Variants in EP400 observed in about 807,000 individuals in gnomAD.
The protein encoded by EP400 is E1A-binding protein p400.
In EP400, 105 loss-of-function variants were observed where a neutral mutation model predicts 354.1. That is an observed-to-expected ratio of 0.30 (90% CI 0.25 to 0.35). The LOEUF (loss-of-function observed/expected upper bound fraction) is 0.35, where lower values mean the gene tolerates loss of function less well. EP400 is among the 10% of genes least tolerant of loss of function. The probability of loss-of-function intolerance (pLI) is 1.00; values close to 1 mark genes in which losing one functional copy is unlikely to be tolerated. For missense variants in EP400, 3,280 were observed against 4,121.0 expected, an observed-to-expected ratio of 0.80 and a Z score of 5.59; for synonymous variants, 1,646 against 1,716.9, an observed-to-expected ratio of 0.96 and a Z score of 1.02.
chr12:132,030,594 G>A (rs1265927210), intron 29 of EP400, among the ~76,000 whole-genome samples: 1 of 152,226 alleles, frequency 6.6e-6, no homozygotes, highest in African/African-American at 2.4e-5. Context: ...GCATAAACTA[G>A]TATAGTTCTA....
intron 2 of EP400, among the ~76,000 whole-genome samples, chr12:131,976,440 G>A (rs1892475378): frequency 6.6e-6 from 1 of 152,190 alleles, no homozygotes; most frequent in African/African-American, 2.4e-5. Flanking sequence ...CTGGCTGGGT[G>A]TGGTGGCTCA....
chr12:132,061,126 A>C (rs1166586471), intron 45 of EP400, among the ~76,000 whole-genome samples: 1 of 152,172 alleles, frequency 6.6e-6, no homozygotes, highest in Non-Finnish European at 1.5e-5. Flanking sequence ...ATAACATGCA[A>C]GCTGGGGAAG....
Position 132,017,702 on chromosome 12 carries a change from T to C in EP400, c.4091T>C (p.Leu1364Pro), listed in dbSNP as rs1320709360. 3 of 1,525,800 alleles carry C rather than the reference T, an allele frequency of 2.0e-6. No individual in the cohort carries two copies. The African/African-American group carries it at 4.2e-5, about 21-fold the overall frequency. The allele number at this position is 1,525,800 out of a possible 1,614,324, so 94.5% of individuals were successfully genotyped here. A position where few individuals can be genotyped will look rare whatever the true frequency, so the allele number is the denominator to read the frequency against. Residue 1364 changes from leucine to proline, a missense_variant, in exon 20 of 53, where the codon CTG becomes CCG. Around this residue, in one of 20 missense-constraint regions of EP400, gnomAD observed 342 missense variants for 342.7 expected, o/e 1.00. Coordinates refer to ENST00000389561, the MANE Select transcript of EP400 (RefSeq NM_015409.5). This position sits in a 1 kb window ranked among gnomAD's most constrained non-coding sequence, Gnocchi z 5.0. ...TCCGCATCTCTAATCCTGAAGGCAC[T>C]GGAGAGAGATTTCTGGAAGGTAAGT... ...YPSASLILKA[L>P]ERDFWKEADL...
chr12:132,023,711 C>G, intron 23 of EP400, 66 bp from the exon 24 acceptor site: 1 of 1,559,566 alleles, frequency 6.4e-7, no homozygotes, highest in Non-Finnish European at 8.7e-7. Flanking sequence ...AAACGACTGT[C>G]AATATGACAC....
intron 15 of EP400, among the ~76,000 whole-genome samples, chr12:132,008,584 A>AT (rs376833227): frequency 0.029 from 4,089 of 143,050 alleles, 110 homozygotes; most frequent in South Asian, 0.1. Context: ...TAGCCTATAC[A>AT]TTTTTTTTTT....
At chr12:131,964,219 C>A (rs556504596) in intron 2 of EP400, among the ~76,000 whole-genome samples, 2 of 152,296 alleles carry the variant, frequency 1.3e-5, no homozygotes, top group East Asian at 3.9e-4. Context: ...GTAATCCCAG[C>A]ACTTTGGGAG....
chr12:132,002,674 G>A (rs1371711712), intron 12 of EP400, among the ~76,000 whole-genome samples: 1 of 152,242 alleles, frequency 6.6e-6, no homozygotes, highest in Non-Finnish European at 1.5e-5. Context: ...ATCCATGAGG[G>A]AGCAGGATAG....
At position 132,039,965 on chromosome 12, in the gene EP400, A is replaced by G. The variant is rs1317962705; in HGVS notation, c.6207+1869A>G. 1.8e-4 allele frequency among the ~76,000 whole-genome samples: 28 copies of G among 152,220 alleles called. 1 individual carries two copies. The highest frequency in any genetic ancestry group is 2.9e-5 in the Non-Finnish European group (2 of 68,036). On this transcript the variant is annotated intron_variant, in intron 32 of 52. Coordinates refer to ENST00000389561, the MANE Select transcript of EP400 (RefSeq NM_015409.5). The stretch of plus-strand genomic sequence containing the variant: ...TGAGGCGGGAGGATCACTTAAGCCC[A>G]GGAGATTGAGGCTGCTGTGAGCTGT...
At chr12:132,046,766 C>A (rs544874302) in intron 39 of EP400, among the ~76,000 whole-genome samples, 1 of 152,232 alleles carries the variant, frequency 6.6e-6, no homozygotes, top group African/African-American at 2.4e-5. Context: ...CTGCCTTTCT[C>A]GCCTCAGGAC....
rs974278159 is a variant in EP400, at chr12:131,992,782, G to A, written c.2737+552G>A. Among the ~76,000 whole-genome samples the A allele has an allele frequency of 3.3e-5, 5 of 152,284 alleles. No homozygotes were observed. The South Asian group carries it at 8.3e-4, about 25-fold the overall frequency. On this transcript the variant is annotated intron_variant, in intron 11 of 52. Coordinates refer to ENST00000389561, the MANE Select transcript of EP400 (RefSeq NM_015409.5). ...AGTGGGGAGCAGGAGTAGAGAGGTT[G>A]GAGAAACTTTCTTGGGCGTTTGTGT...
chr12:132,034,420 A>G (rs1043448716), intron 30 of EP400, among the ~76,000 whole-genome samples: 2 of 152,184 alleles, frequency 1.3e-5, no homozygotes, highest in Non-Finnish European at 2.9e-5. Context: ...CTAAAATTTA[A>G]TATATTTTTG....
intron 2 of EP400, among the ~76,000 whole-genome samples, chr12:131,976,370 T>G (rs1230680179): frequency 2.6e-5 from 4 of 152,204 alleles, no homozygotes; most frequent in African/African-American, 9.6e-5. Flanking sequence ...TCTGTTATAT[T>G]CTTCTGAAAC....
chr12:132,050,708 G>C lies in EP400; in HGVS notation c.7394+53G>C, dbSNP rs1593374421. Reference sequence around the variant, plus strand: ...TACTGTTTGGAAGGATTTCATTCCAGTGTCATCTAAGTTCAGTGAGTTCAG... The same window carrying C: ...TACTGTTTGGAAGGATTTCATTCCACTGTCATCTAAGTTCAGTGAGTTCAG... On this transcript the variant is annotated intron_variant, in intron 41 of 52. Coordinates refer to ENST00000389561, the MANE Select transcript of EP400 (RefSeq NM_015409.5). The surrounding 1 kb of genome is among the most constrained non-coding windows in gnomAD (Gnocchi z 4.8). The C allele has an allele frequency of 1.0e-5, 16 of 1,601,550 alleles. No homozygotes were observed. The East Asian group carries it at 2.0e-4, about 20-fold the overall frequency.
rs1347606943 is a variant in EP400 at position 132,043,725 on chromosome 12, T to G, written c.6447T>G (p.Ser2149Arg). ...TTGAGCAAGAAAAGGAGAGAAACAG[T>G]GAGGTAAGAGAATCAACTTTTGGTC... ...TSIEQEKERN[S>R]EDAVMTAVRA... is the part of the protein sequence containing the mutation. Residue 2149 changes from serine to arginine, a missense_variant, in exon 34 of 53, where the codon AGT (serine) becomes AGG (arginine). Physicochemically the swap from Ser to Arg is moderately radical, Grantham distance 110. This residue lies in a region of EP400 where 231 missense variants were observed against 257.9 expected (regional missense o/e 0.90). Coordinates refer to ENST00000389561, the MANE Select transcript of EP400 (RefSeq NM_015409.5). The G allele has an allele frequency of 2.5e-6, 4 of 1,603,404 alleles. No individual in the cohort carries two copies. The highest frequency in any genetic ancestry group is 8.5e-7 in the Non-Finnish European group (1 of 1,177,216).
Position 131,961,857 on chromosome 12 carries a change from C to G in EP400, c.1238C>G (p.Pro413Arg), listed in dbSNP as rs1398178066. 1 of 1,614,112 alleles carries G rather than the reference C, an allele frequency of 6.2e-7. No homozygotes were observed. Among genetic ancestry groups the G allele is most frequent in the South Asian group, 1.1e-5 (1 of 91,076 alleles). The change falls in exon 2 of 53, where the codon CCA (proline) becomes CGA (arginine). Residue 413 changes from proline (P) to arginine (R), a missense_variant. By Grantham distance (103) the Pro-to-Arg change is moderately radical. Around this residue, in one of 20 missense-constraint regions of EP400, gnomAD observed 800 missense variants for 840.0 expected, o/e 0.95. Transcript: ENST00000389561. Reference sequence around the variant, plus strand: ...GCTTTCAAGAAGAAACATTATGCCCCATTACAAGCATATCTTAGGCAGAAT... The same window carrying G: ...GCTTTCAAGAAGAAACATTATGCCCGATTACAAGCATATCTTAGGCAGAAT... The part of the protein sequence containing the change: ...FLAFKKKHYA[P>R]LQAYLRQNDL...
rs868519376 is a variant in EP400, at chr12:132,040,381, T to G, written c.6207+2285T>G. On this transcript the variant is annotated intron_variant, in intron 32 of 52. Coordinates refer to ENST00000389561, the MANE Select transcript of EP400 (RefSeq NM_015409.5). ...CACTGCTGGGTGTATATCCAAAGAG[T>G]TGAAATTAGCGTGTAGGAGAGGCGT... 1.3e-3 allele frequency among the ~76,000 whole-genome samples: 193 copies of G among 150,652 alleles called. 3 individuals carry two copies. The highest frequency in any genetic ancestry group is 6.5e-3 in the East Asian group (33 of 5,084).
intron 2 of EP400, among the ~76,000 whole-genome samples, chr12:131,972,364 AG>A: frequency 6.6e-6 from 1 of 152,186 alleles, no homozygotes; most frequent in East Asian, 1.9e-4. Flanking sequence ...CATGTTAGCC[AG>A]GATGGTCTCG....
intron 45 of EP400, among the ~76,000 whole-genome samples, chr12:132,061,216 G>A (rs368781358): frequency 1.8e-4 from 28 of 152,310 alleles, no homozygotes; most frequent in South Asian, 1.7e-3. Flanking sequence ...GCAAGCATCC[G>A]TGGTAATTCC....
Position 131,960,603 on chromosome 12 carries a change from A to G in EP400, c.-17A>G, listed in dbSNP as rs1447702805. On this transcript the variant is annotated 5_prime_UTR_variant, in exon 2 of 53. It adds an upstream start codon to the 5' untranslated region. Coordinates refer to ENST00000389561, the MANE Select transcript of EP400 (RefSeq NM_015409.5). ...TTTTTAGGAGAACGACACATTGGATACAGAAGGGAGGTGATCATGCACCAT... is the reference window on the plus strand; with the variant it reads ...TTTTTAGGAGAACGACACATTGGATGCAGAAGGGAGGTGATCATGCACCAT... 1.3e-6 allele frequency: 2 copies of G among 1,573,984 alleles called. No individual in the cohort carries two copies. The highest frequency in any genetic ancestry group is 1.9e-5 in the Admixed American group (1 of 52,834).
Sources: gnomAD v4.1 joint callset for allele counts (sites outside exome capture counted in the v4.1 genomes callset) on GRCh38, gnomAD v4.1.1 for gene constraint, gnomAD v4.1.1 regional missense constraint, Gnocchi (gnomAD v3.1) non-coding constraint, MANE v1.5 for transcripts, NCBI Gene and HGNC (gene_info 2026-07-23, HGNC 2026-07-21) for gene names.